Variants in CENPP observed in about 807,000 individuals in gnomAD.
CENPP encodes centromere protein P.
CENPP carries 24 observed loss-of-function variants against 35.6 expected under a neutral mutation model. The ratio of observed to expected loss-of-function variants is 0.67; its 90% CI spans 0.49 to 0.95. CENPP has a LOEUF of 0.95. Ranked by LOEUF, CENPP falls within the 40% of genes least tolerant of loss-of-function variation. The pLI is 0.00. For synonymous variants in CENPP, 120 were observed against 125.5 expected (o/e 0.96, Z 0.29); for missense variants, 332 against 345.3 (o/e 0.96, Z 0.31).
chr9:92,532,015 G>GTTTTGT (rs1848797660), intron 5 of CENPP, among the ~76,000 whole-genome samples: 1 of 95,736 alleles, frequency 1.0e-5, no homozygotes, highest in African/African-American at 5.9e-5. Flanking sequence ...TTTATTTAAT[G>GTTTTGT]TTTTTTTTTT....
chr9:92,560,950 C>G (rs1849834852), intron 5 of CENPP, among the ~76,000 whole-genome samples: 1 of 146,804 alleles, frequency 6.8e-6, no homozygotes, highest in African/African-American at 2.5e-5. Context: ...CTTTTTTTCT[C>G]AGTACCTCTT....
rs1851358871 is a variant in CENPP at position 92,614,157 on chromosome 9, G to A, written c.*1008G>A. The A allele has an allele frequency of 6.6e-6, 1 of 152,316 alleles. No individual in the cohort carries two copies. Among genetic ancestry groups the A allele is most frequent in the South Asian group, 2.1e-4 (1 of 4,832 alleles). The allele number at this position is 152,316 out of a possible 1,614,324, so 9.4% of individuals were successfully genotyped here. A position where few individuals can be genotyped will look rare whatever the true frequency, so the allele number is the denominator to read the frequency against. On this transcript the variant is annotated 3_prime_UTR_variant, in exon 8 of 8. Coordinates refer to ENST00000375587, the MANE Select transcript of CENPP (RefSeq NM_001012267.3). Reference sequence around the variant, plus strand: ...AGGCAATAACTCTTGCAGCCCTGAAGGACCTAGGGAGCCCAGCCCACCTTC... The same window carrying A: ...AGGCAATAACTCTTGCAGCCCTGAAAGACCTAGGGAGCCCAGCCCACCTTC...
At chr9:92,570,054 A>G (rs1250268169) in intron 5 of CENPP, among the ~76,000 whole-genome samples, 5 of 152,070 alleles carry the variant, frequency 3.3e-5, no homozygotes, top group African/African-American at 1.2e-4. Context: ...CTTTTTTCCT[A>G]ATTGAATACC....
chr9:92,486,543 C>T (rs1392420471), intron 5 of CENPP, among the ~76,000 whole-genome samples: 2 of 152,298 alleles, frequency 1.3e-5, no homozygotes, highest in East Asian at 3.9e-4. Flanking sequence ...TTGCTGAGCA[C>T]GTAGGCCCTC....
intron 4 of CENPP, among the ~76,000 whole-genome samples, chr9:92,371,504 G>A (rs1260794047): frequency 6.6e-6 from 1 of 152,156 alleles, no homozygotes; most frequent in Non-Finnish European, 1.5e-5. Flanking sequence ...TTTTAAAAAT[G>A]TTGAGACTTG....
At chr9:92,404,020 A>G (rs1843226064) in intron 5 of CENPP, among the ~76,000 whole-genome samples, 2 of 152,184 alleles carry the variant, frequency 1.3e-5, no homozygotes, top group Admixed American at 6.5e-5. Context: ...GGTGATCATA[A>G]TTTTTAGTTA....
rs1046900726 is a variant in CENPP at position 92,619,764 on chromosome 9, G to A, written c.*6615G>A. The A allele has an allele frequency of 3.0e-5, 18 of 596,870 alleles. No individual in the cohort carries two copies. The highest frequency in any genetic ancestry group is 4.8e-5 in the Non-Finnish European group (16 of 330,502). 37.0% of individuals were successfully genotyped at this position (596,870 alleles called of 1,614,324 possible). A position where few individuals can be genotyped will look rare whatever the true frequency, so the allele number is the denominator to read the frequency against. Reference sequence around the variant, plus strand: ...CACCTGGGCCAGCCCTCAGTGCCACGGGGCTGCTCAGAGGCCAGCACCGCC... The same window carrying A: ...CACCTGGGCCAGCCCTCAGTGCCACAGGGCTGCTCAGAGGCCAGCACCGCC... On this transcript the variant is annotated 3_prime_UTR_variant, in exon 8 of 8. Transcript: ENST00000375587.
At chr9:92,409,179 T>C (rs1002122755) in intron 5 of CENPP, among the ~76,000 whole-genome samples, 1 of 152,234 alleles carries the variant, frequency 6.6e-6, no homozygotes, top group African/African-American at 2.4e-5. Context: ...TATTTACACC[T>C]AGGCAGATTT....
chr9:92,354,213 T>A (rs964997205), intron 4 of CENPP, among the ~76,000 whole-genome samples: 2 of 152,188 alleles, frequency 1.3e-5, no homozygotes, highest in African/African-American at 4.8e-5. Context: ...GGAGTAAGTG[T>A]CTATTCCAGT....
intron 3 of CENPP, among the ~76,000 whole-genome samples, chr9:92,342,583 A>G (rs1159727425): frequency 6.6e-6 from 1 of 152,204 alleles, no homozygotes; most frequent in Non-Finnish European, 1.5e-5. Flanking sequence ...TTTAGATTTT[A>G]TGATTCTTCT....
At chr9:92,522,383 G>A (rs538244246) in intron 5 of CENPP, among the ~76,000 whole-genome samples, 2 of 152,162 alleles carry the variant, frequency 1.3e-5, no homozygotes, top group African/African-American at 4.8e-5. Flanking sequence ...ACCGCGCCTG[G>A]CCCTATTTTT....
intron 5 of CENPP, among the ~76,000 whole-genome samples, chr9:92,397,179 A>C (rs534951414): frequency 1.1e-4 from 16 of 152,214 alleles, no homozygotes; most frequent in East Asian, 9.7e-4. Context: ...CCTGTCTAAA[A>C]AAACAAACAA....
At chr9:92,540,764 CTG>C (rs916237060) in intron 5 of CENPP, among the ~76,000 whole-genome samples, 4 of 128,578 alleles carry the variant, frequency 3.1e-5, no homozygotes, top group African/African-American at 1.5e-4. Flanking sequence ...GAGCACGACT[CTG>C]TCTCAAAAAA....
At chr9:92,550,687 A>G (rs1436632227) in intron 5 of CENPP, among the ~76,000 whole-genome samples, 1 of 152,170 alleles carries the variant, frequency 6.6e-6, no homozygotes, top group Non-Finnish European at 1.5e-5. Flanking sequence ...AGTTTCACAT[A>G]TGATATTCTA....
At position 92,357,628 on chromosome 9, in the gene CENPP, G is replaced by T. The variant is rs528685295; in HGVS notation, c.467+11841G>T. Among the ~76,000 whole-genome samples the T allele has an allele frequency of 1.8e-3, 274 of 151,944 alleles. 5 individuals carry two copies. The highest frequency in any genetic ancestry group is 2.2e-4 in the Non-Finnish European group (15 of 67,946). ...TCCTGCCACGGCCTCCCAAGTAGCT[G>T]GGATTACAGGCATGCGCCACCACTC... is the stretch of plus-strand genomic sequence containing the variant. On this transcript the variant is annotated intron_variant, in intron 4 of 7. Coordinates refer to ENST00000375587, the MANE Select transcript of CENPP (RefSeq NM_001012267.3).
chr9:92,373,109 A>C (rs1842046670), intron 4 of CENPP, among the ~76,000 whole-genome samples: 1 of 152,078 alleles, frequency 6.6e-6, no homozygotes, highest in Non-Finnish European at 1.5e-5. Context: ...TGTTGTCCCA[A>C]ATGTCACAAA....
At chr9:92,356,419 C>G (rs1181637127) in intron 4 of CENPP, among the ~76,000 whole-genome samples, 1 of 152,176 alleles carries the variant, frequency 6.6e-6, no homozygotes, top group Non-Finnish European at 1.5e-5. Context: ...TTCCCCTGTT[C>G]CCTGAAAATC....
intron 5 of CENPP, chr9:92,474,890 T>C (rs1845660921): frequency 6.2e-7 from 1 of 1,611,472 alleles, no homozygotes; most frequent in African/African-American, 1.3e-5. Context: ...GAGCACATAC[T>C]CCTTCATGGT....
chr9:92,398,918 C>G (rs975006184), intron 5 of CENPP, among the ~76,000 whole-genome samples: 1 of 152,024 alleles, frequency 6.6e-6, no homozygotes, highest in Non-Finnish European at 1.5e-5. Flanking sequence ...ATAAATTAGC[C>G]TGGCGTGGTG....
Sources: allele counts gnomAD v4.1 joint callset (sites outside exome capture counted in the v4.1 genomes callset), GRCh38; gene constraint gnomAD v4.1.1; transcripts MANE v1.5; gene names NCBI Gene and HGNC (gene_info 2026-07-23, HGNC 2026-07-21).